Variants in GDPD5 observed in about 807,000 individuals in gnomAD.
GDPD5 encodes glycerophosphodiester phosphodiesterase domain containing 5, also known as glycerophosphodiester phosphodiesterase 2.
GDPD5 carries 48 observed loss-of-function variants against 75.1 expected under a neutral mutation model. The ratio of observed to expected loss-of-function variants is 0.64; its 90% CI spans 0.51 to 0.81. The LOEUF (loss-of-function observed/expected upper bound fraction) is 0.81. GDPD5 is among the 40% of genes least tolerant of loss of function. The pLI is 0.00. For missense variants in GDPD5, 706 were observed against 822.6 expected, an observed-to-expected ratio of 0.86 and a Z score of 1.73; for synonymous variants, 336 against 339.0, an observed-to-expected ratio of 0.99 and a Z score of 0.10.
intron 9 of GDPD5, among the ~76,000 whole-genome samples, chr11:75,447,499 G>A (rs1949015607): frequency 6.6e-6 from 1 of 152,114 alleles, no homozygotes; most frequent in South Asian, 2.1e-4. Context: ...AAAAAAGTAG[G>A]GAACAGATGA....
chr11:75,489,785 G>C (rs996155239), intron 2 of GDPD5, among the ~76,000 whole-genome samples: 4 of 151,234 alleles, frequency 2.6e-5, no homozygotes, highest in Non-Finnish European at 5.9e-5. Context: ...TGTCGCCCAG[G>C]CTGGAGTGTA....
At chr11:75,476,687 C>T (rs1445014440) in intron 3 of GDPD5, among the ~76,000 whole-genome samples, 1 of 152,142 alleles carries the variant, frequency 6.6e-6, no homozygotes, top group Non-Finnish European at 1.5e-5. Flanking sequence ...TGAATCAGGC[C>T]TGGTGCCCAC....
At chr11:75,479,847 G>T (rs1279827969) in intron 2 of GDPD5, among the ~76,000 whole-genome samples, 1 of 152,134 alleles carries the variant, frequency 6.6e-6, no homozygotes, top group Non-Finnish European at 1.5e-5. Flanking sequence ...GTGGCATAAT[G>T]TTCTCAAGGC....
At chr11:75,496,857 T>G (rs1379476046) in intron 1 of GDPD5, among the ~76,000 whole-genome samples, 1 of 138,292 alleles carries the variant, frequency 7.2e-6, no homozygotes, top group Non-Finnish European at 1.5e-5. Context: ...CACAGCTCAC[T>G]GCAACCTCCG....
At chr11:75,512,898 A>G (rs1443341555) in intron 1 of GDPD5, among the ~76,000 whole-genome samples, 1 of 152,178 alleles carries the variant, frequency 6.6e-6, no homozygotes, top group Non-Finnish European at 1.5e-5. Flanking sequence ...AAAAAGAAAG[A>G]AAGAAAGAAG....
intron 15 of GDPD5, chr11:75,439,469 C>T (rs1948726264): frequency 7.3e-6 from 3 of 411,538 alleles, no homozygotes; most frequent in Non-Finnish European, 1.5e-5. Flanking sequence ...AAATCCCAGC[C>T]CCTTGGTTCC....
chr11:75,456,723 G>C, intron 6 of GDPD5, 34 bp downstream of exon 6: 1 of 1,609,852 alleles, frequency 6.2e-7, no homozygotes, highest in Non-Finnish European at 8.5e-7. Context: ...AGCTTCCCTT[G>C]CTCTCTCCCA....
In GDPD5 at chr11:75,441,165, T is replaced by C. The variant is rs532608255; in HGVS notation, c.1471A>G (p.Met491Val). ...LSQVPSPLWI[M>V]PPDEYCLMWV... ...GGGCCCTCTGCCCCCCAACTCACCA[T>C]GATCCAGAGGGGGGAAGGCACCTGG... Residue 491 changes from methionine to valine, a missense_variant and splice_region_variant, in exon 14 of 17, where the codon ATG becomes GTG. Transcript: ENST00000336898. 2 of 1,613,482 alleles carry C rather than the reference T, an allele frequency of 1.2e-6. No homozygotes were observed. Among genetic ancestry groups the C allele is most frequent in the Non-Finnish European group, 1.7e-6 (2 of 1,179,794 alleles).
rs148369293 is a variant in GDPD5, at chr11:75,499,780, C to T, written c.-144-9460G>A. Among the ~76,000 whole-genome samples the T allele has an allele frequency of 5.1e-4, 78 of 152,292 alleles. No individual in the cohort carries two copies. In the East Asian group the frequency reaches 6.6e-3, roughly 13 times the overall value. On this transcript the variant is annotated intron_variant, in intron 1 of 16. Transcript: ENST00000336898. ...GGCCTCTTTGGAAGCAGGCCATCCA[C>T]GTCCTGACCTTCCTAGGCCTTTCTT...
At chr11:75,442,815 C>G in intron 11 of GDPD5, 1 of 604,174 alleles carries the variant, frequency 1.7e-6, no homozygotes, top group Non-Finnish European at 2.9e-6. Flanking sequence ...GCTCCCAGAC[C>G]CACAGCATTT....
chr11:75,441,330 C>A lies in GDPD5; in HGVS notation c.1326-20G>T, dbSNP rs56155408. On this transcript the variant is annotated intron_variant, in intron 13 of 16. Coordinates refer to ENST00000336898, the MANE Select transcript of GDPD5 (RefSeq NM_030792.8). ...TAGTCCCTGTGGGGCAGGGGAGAGG[C>A]AGGTCAGCATGCGGACCCTGGCAGC... The A allele has an allele frequency of 0.019, 30,902 of 1,613,820 alleles. 418 individuals carry two copies. Among genetic ancestry groups the A allele is most frequent in the African/African-American group, 0.052 (3,932 of 75,034 alleles).
At chr11:75,486,803 C>A (rs964101330) in intron 2 of GDPD5, among the ~76,000 whole-genome samples, 6 of 152,110 alleles carry the variant, frequency 3.9e-5, no homozygotes, top group African/African-American at 1.4e-4. Flanking sequence ...TAGGGGCTTC[C>A]AGGAGATGGT....
intron 1 of GDPD5, among the ~76,000 whole-genome samples, chr11:75,499,405 T>C (rs926229051): frequency 2.9e-4 from 43 of 150,548 alleles, no homozygotes; most frequent in African/African-American, 8.3e-4. Flanking sequence ...TTTTTTTTTT[T>C]TTTTTTTTTT....
chr11:75,498,887 C>A (rs895449527), intron 1 of GDPD5, among the ~76,000 whole-genome samples: 4 of 152,074 alleles, frequency 2.6e-5, no homozygotes, highest in Non-Finnish European at 4.4e-5. Flanking sequence ...TCTCCAGCAT[C>A]TTTGCCCCTG....
At position 75,456,743 on chromosome 11, in the gene GDPD5, G is replaced by A. The variant is rs765502019; in HGVS notation, c.375+14C>T. ...CCCTTGCTCTCTCCCAGCCCCGGCC[G>A]AGGCGGCCCTTACCTTGTGCAGCCA... On this transcript the variant is annotated intron_variant, in intron 6 of 16. Coordinates refer to ENST00000336898, the MANE Select transcript of GDPD5 (RefSeq NM_030792.8). 3.7e-5 allele frequency: 59 copies of A among 1,613,824 alleles called. No individual in the cohort carries two copies. The highest frequency in any genetic ancestry group is 2.7e-4 in the South Asian group (25 of 91,070).
chr11:75,436,739 G>A (rs376082486), intron 16 of GDPD5, among the ~76,000 whole-genome samples, 197 bp downstream of exon 16: 1 of 152,152 alleles, frequency 6.6e-6, no homozygotes, highest in East Asian at 1.9e-4. Context: ...GTGTGTGTGG[G>A]GGTGTGTGTT....
intron 4 of GDPD5, among the ~76,000 whole-genome samples, chr11:75,458,034 C>A (rs115605449): frequency 0.014 from 2,142 of 152,300 alleles, 45 homozygotes; most frequent in African/African-American, 0.049. Flanking sequence ...GTAATCATTA[C>A]CAAGGCTGTG....
chr11:75,469,775 A>G (rs1376050067), intron 3 of GDPD5, among the ~76,000 whole-genome samples: 4 of 152,252 alleles, frequency 2.6e-5, no homozygotes, highest in Admixed American at 2.0e-4. Flanking sequence ...ATATTAGTGG[A>G]AAAATGATGG....
At chr11:75,520,320 TC>T (rs1053021814) in intron 1 of GDPD5, among the ~76,000 whole-genome samples, 1 of 152,148 alleles carries the variant, frequency 6.6e-6, no homozygotes, top group African/African-American at 2.4e-5. Context: ...GCACCCCACT[TC>T]CTTCATCTCA....
Sources: gnomAD v4.1 joint callset for allele counts (sites outside exome capture counted in the v4.1 genomes callset) on GRCh38, gnomAD v4.1.1 for gene constraint, MANE v1.5 for transcripts, NCBI Gene and HGNC (gene_info 2026-07-23, HGNC 2026-07-21) for gene names.